The following WDR72 variants were observed in gnomAD, a reference collection of about 807,000 sequenced individuals.
WDR72 encodes WD repeat domain 72.
In WDR72, 120 loss-of-function variants were observed where a neutral mutation model predicts 124.2. The observed-to-expected ratio is 0.97, with a 90% CI of 0.83 to 1.12. The LOEUF (loss-of-function observed/expected upper bound fraction) is 1.12, where lower values mean the gene tolerates loss of function less well. WDR72 is among the 50% of genes most tolerant of loss of function. WDR72 has a pLI of 0.00. For synonymous variants in WDR72, 452 were observed against 441.7 expected (o/e 1.02, Z -0.29); for missense variants, 1,387 against 1,278.8 (o/e 1.08, Z -1.29).
chr15:53,706,373 T>TATATATATATATATATATATAC lies in WDR72; in HGVS notation c.955-300_955-299insGTATATATATATATATATATAT, dbSNP rs1567040222. On this transcript the variant is annotated intron_variant, in intron 9 of 19. Transcript: ENST00000360509. ...GTGTATATATATATATATATATATA[T>TATATATATATATATATATATAC]ATATATATATATATATATATATGGC... Among the ~76,000 whole-genome samples, 124 of 67,328 alleles carry TATATATATATATATATATATAC rather than the reference T, an allele frequency of 1.8e-3. 1 individual carries two copies. The highest frequency in any genetic ancestry group is 7.4e-3 in the African/African-American group (123 of 16,586). 44.2% of individuals were successfully genotyped at this position (67,328 alleles called of 152,430 possible). A position where few individuals can be genotyped will look rare whatever the true frequency, so the allele number is the denominator to read the frequency against.
intron 5 of WDR72, among the ~76,000 whole-genome samples, chr15:53,714,862 T>G (rs957881691): frequency 6.6e-6 from 1 of 152,172 alleles, no homozygotes; most frequent in African/African-American, 2.4e-5. Context: ...ATCTAGAAGA[T>G]ACAGCAGGGC....
At chr15:53,661,643 T>C (rs977612463) in intron 14 of WDR72, among the ~76,000 whole-genome samples, 1 of 152,074 alleles carries the variant, frequency 6.6e-6, no homozygotes, top group African/African-American at 2.4e-5. Context: ...ACAAATAGAA[T>C]GAAAACCACA....
At position 53,702,318 on chromosome 15, in the gene WDR72, T is replaced by C. The variant is rs1567037195; in HGVS notation, c.1385A>G (p.Gln462Arg). 2 of 1,614,006 alleles carry C rather than the reference T, an allele frequency of 1.2e-6. No homozygotes were observed. The highest frequency in any genetic ancestry group is 1.3e-5 in the African/African-American group (1 of 75,048). ...PPHKVLKGHH[Q>R]SVTSLLYPHG... ...TGGATAGAGTAATGAAGTGACACTTTGGTGGTGGCCTTTAAGAACTTTATG... is the reference window on the plus strand; with the variant it reads ...TGGATAGAGTAATGAAGTGACACTTCGGTGGTGGCCTTTAAGAACTTTATG... The change falls in exon 12 of 20, where the codon CAA (glutamine) becomes CGA (arginine). Residue 462 changes from glutamine to arginine, a missense_variant. By Grantham distance (43) the Gln-to-Arg change is conservative. Transcript: ENST00000360509.
At chr15:53,725,963 T>C (rs146157957) in intron 2 of WDR72, among the ~76,000 whole-genome samples, 5 of 151,788 alleles carry the variant, frequency 3.3e-5, no homozygotes, top group South Asian at 2.1e-4. Flanking sequence ...TCCCAGCTAC[T>C]TGGGAGGCTG....
At chr15:53,680,255 C>A (rs1175889977) in intron 13 of WDR72, among the ~76,000 whole-genome samples, 1 of 152,180 alleles carries the variant, frequency 6.6e-6, no homozygotes, top group African/African-American at 2.4e-5. Flanking sequence ...CTTAGTCATG[C>A]AATTCCAACC....
intron 2 of WDR72, among the ~76,000 whole-genome samples, chr15:53,732,331 C>T (rs542281305): frequency 6.6e-6 from 1 of 152,284 alleles, no homozygotes; most frequent in East Asian, 1.9e-4. Context: ...ACTTTAACTA[C>T]ATCATTAGTT....
chr15:53,529,164 A>ATTTTT (rs1221581823), intron 18 of WDR72, among the ~76,000 whole-genome samples: 1 of 78,168 alleles, frequency 1.3e-5, no homozygotes, highest in African/African-American at 5.0e-5. Flanking sequence ...ATATATATAT[A>ATTTTT]TTTTTTTTTT....
intron 14 of WDR72, among the ~76,000 whole-genome samples, chr15:53,621,447 A>G (rs1030150567): frequency 4.2e-5 from 6 of 142,518 alleles, no homozygotes; most frequent in Admixed American, 2.1e-4. Context: ...ATATATATAT[A>G]TATATATATA....
intron 13 of WDR72, among the ~76,000 whole-genome samples, chr15:53,667,353 C>CA (rs2015815076): frequency 6.6e-6 from 1 of 151,448 alleles, no homozygotes; most frequent in Admixed American, 6.6e-5. Flanking sequence ...GACCCTGTCT[C>CA]AAAAAAGAAT....
intron 8 of WDR72, 112 bp from the exon 9 acceptor site, chr15:53,711,065 A>G: frequency 3.0e-6 from 3 of 996,294 alleles, no homozygotes; most frequent in Non-Finnish European, 4.6e-6. Flanking sequence ...TCTAAACTCT[A>G]GTTAGAAATT....
At position 53,514,429 on chromosome 15, in the gene WDR72, T is replaced by C. The variant is rs1411341140; in HGVS notation, c.*3270A>G. The C allele has an allele frequency of 1.3e-5, 2 of 152,168 alleles. No individual in the cohort carries two copies. The highest frequency in any genetic ancestry group is 4.8e-5 in the African/African-American group (2 of 41,446). The allele number at this position is 152,168 out of a possible 1,614,324, so 9.4% of individuals were successfully genotyped here. ...AATTTAATTTTAAAATACTCAATTA[T>C]TATAATGTGCCCTCTAAGGATGGAA... is the stretch of plus-strand genomic sequence containing the variant. On this transcript the variant is annotated 3_prime_UTR_variant, in exon 20 of 20. Transcript: ENST00000360509.
chr15:53,532,509 G>A (rs2140236233), intron 18 of WDR72, among the ~76,000 whole-genome samples: 2 of 152,106 alleles, frequency 1.3e-5, no homozygotes, highest in Middle Eastern at 6.8e-3. Context: ...TGGAACTGGA[G>A]GGACATTATG....
At chr15:53,599,122 T>C (rs1243983197) in intron 17 of WDR72, among the ~76,000 whole-genome samples, 1 of 152,088 alleles carries the variant, frequency 6.6e-6, no homozygotes, top group Admixed American at 6.6e-5. Flanking sequence ...GGTATATATA[T>C]ATATACCACT....
chr15:53,587,366 T>TA (rs1420153874), intron 18 of WDR72, among the ~76,000 whole-genome samples: 1 of 151,996 alleles, frequency 6.6e-6, no homozygotes, highest in Admixed American at 6.6e-5. Context: ...CCATTTTAGA[T>TA]ACCCACATCA....
intron 13 of WDR72, among the ~76,000 whole-genome samples, chr15:53,690,073 G>C (rs1241927904): frequency 8.2e-6 from 1 of 121,846 alleles, no homozygotes; most frequent in Non-Finnish European, 1.7e-5. Flanking sequence ...TTGTGGGGTG[G>C]GGGGAGGGGG....
intron 14 of WDR72, among the ~76,000 whole-genome samples, chr15:53,620,223 T>A (rs1230543789): frequency 6.6e-6 from 1 of 152,034 alleles, no homozygotes; most frequent in Non-Finnish European, 1.5e-5. Context: ...AAATGTCCCA[T>A]ACAATAGATT....
intron 14 of WDR72, among the ~76,000 whole-genome samples, chr15:53,649,529 C>T (rs1057005274): frequency 6.6e-6 from 1 of 151,902 alleles, no homozygotes; most frequent in Non-Finnish European, 1.5e-5. Context: ...TGAGATTTTC[C>T]ACCACAAATA....
intron 14 of WDR72, among the ~76,000 whole-genome samples, chr15:53,651,207 C>T (rs1328080615): frequency 6.6e-6 from 1 of 152,058 alleles, no homozygotes; most frequent in African/African-American, 2.4e-5. Context: ...ATATTCTCCC[C>T]TCTGAAAGGC....
At chr15:53,735,163 A>T (rs1159446709) in intron 1 of WDR72, among the ~76,000 whole-genome samples, 1 of 152,066 alleles carries the variant, frequency 6.6e-6, no homozygotes, top group Non-Finnish European at 1.5e-5. Flanking sequence ...GCATGGTGGC[A>T]CACACTGGTA....
Sources: allele counts gnomAD v4.1 joint callset (sites outside exome capture counted in the v4.1 genomes callset), GRCh38; gene constraint gnomAD v4.1.1; transcripts MANE v1.5; gene names NCBI Gene and HGNC (gene_info 2026-07-23, HGNC 2026-07-21).